OR10J1: variants seen among roughly 807,000 people sequenced by gnomAD.
OR10J1 encodes olfactory receptor 10J1.
For synonymous variants in OR10J1, 202 were observed against 143.8 expected, an observed-to-expected ratio of 1.40 and a Z score of -2.89; for missense variants, 474 against 376.6, an observed-to-expected ratio of 1.26 and a Z score of -2.14.
chr1:159,412,323 A>G, the OR10J1 span, among the ~76,000 whole-genome samples: 13 of 144,864 alleles, frequency 9.0e-5, no homozygotes, highest in Admixed American at 4.0e-4. Context: ...TCTTCACAGA[A>G]TTGGAAAAAA....
At chr1:159,415,178 T>C in the OR10J1 span, among the ~76,000 whole-genome samples, 2 of 152,278 alleles carry the variant, frequency 1.3e-5, no homozygotes, top group Non-Finnish European at 2.9e-5. Flanking sequence ...CCCTACGTTT[T>C]CTTCTAGTTA....
In OR10J1 at chr1:159,440,421, G is replaced by C. The variant is rs765573239; in HGVS notation, c.630G>C (p.Met210Ile). The change falls in exon 1 of 1, where the codon ATG becomes ATC. Residue 210 changes from methionine (M) to isoleucine (I), a missense_variant. Transcript: ENST00000423932. ...IISVLVLVVP[M>I]GLVFISYVLI... The stretch of plus-strand genomic sequence containing the variant: ...GTGTGCTGGTGCTTGTTGTACCTAT[G>C]GGTCTGGTTTTCATTTCTTATGTTC... The C allele has an allele frequency of 6.2e-7, 1 of 1,614,098 alleles. No individual in the cohort carries two copies. Among genetic ancestry groups the C allele is most frequent in the East Asian group, 2.2e-5 (1 of 44,870 alleles).
the OR10J1 span, among the ~76,000 whole-genome samples, chr1:159,413,051 G>A: frequency 6.6e-6 from 1 of 152,094 alleles, no homozygotes; most frequent in Admixed American, 6.6e-5. Context: ...ACTTCTCAAA[G>A]GAAGACATTT....
upstream of OR10J1, among the ~76,000 whole-genome samples, chr1:159,438,911 G>A (rs1481995140): frequency 6.6e-6 from 1 of 152,102 alleles, no homozygotes; most frequent in African/African-American, 2.4e-5. Context: ...TTTGCTTTAG[G>A]TGAGGGACAC....
the OR10J1 span, among the ~76,000 whole-genome samples, chr1:159,399,222 A>C: frequency 6.6e-6 from 1 of 152,136 alleles, no homozygotes; most frequent in African/African-American, 2.4e-5. Flanking sequence ...AGGTAAAATG[A>C]AGACTTTTCC....
chr1:159,428,936 C>T, the OR10J1 span, among the ~76,000 whole-genome samples: 1 of 152,174 alleles, frequency 6.6e-6, no homozygotes, highest in Non-Finnish European at 1.5e-5. Flanking sequence ...ACAAACTGGG[C>T]ACCAGAACTA....
chr1:159,410,742 T>A, the OR10J1 span, among the ~76,000 whole-genome samples: 1 of 150,986 alleles, frequency 6.6e-6, no homozygotes, highest in Non-Finnish European at 1.5e-5. Context: ...TTCTGCTAGC[T>A]TTTGAATGTG....
At position 159,439,877 on chromosome 1, in the gene OR10J1, G is replaced by T. The variant is rs370931108; in HGVS notation, c.86G>T (p.Gly29Val). The change falls in exon 1 of 1, where the codon GGC (glycine) becomes GTC (valine). Residue 29 changes from glycine (G) to valine (V), a missense_variant. Physicochemically the swap from Gly to Val is moderately radical, Grantham distance 109. Transcript: ENST00000423932. ...CATGAGCAGCAGATCACCCTTTTTG[G>T]CGTGTTCCTTGCACTATACATCTTA... Reference protein sequence around the residue: ...SFHEQQITLFGVFLALYILTL... With the variant: ...SFHEQQITLFVVFLALYILTL... 1 of 1,613,892 alleles carries T rather than the reference G, an allele frequency of 6.2e-7. No individual in the cohort carries two copies. The highest frequency in any genetic ancestry group is 8.5e-7 in the Non-Finnish European group (1 of 1,179,990).
the OR10J1 span, among the ~76,000 whole-genome samples, chr1:159,413,608 A>G: frequency 6.7e-6 from 1 of 150,256 alleles, no homozygotes; most frequent in African/African-American, 2.4e-5. Context: ...CAAACACCAA[A>G]TGTTCTCACT....
the OR10J1 span, among the ~76,000 whole-genome samples, chr1:159,421,298 A>AT: frequency 2.0e-5 from 3 of 151,498 alleles, no homozygotes; most frequent in Admixed American, 6.6e-5. Context: ...TCACATCCTG[A>AT]TTTTTTTCTG....
the OR10J1 span, chr1:159,406,468 T>C: frequency 7.4e-6 from 2 of 271,036 alleles, no homozygotes; most frequent in Non-Finnish European, 1.5e-5. Flanking sequence ...CATCAGTTTT[T>C]TGGATTCCTT....
Position 159,440,883 on chromosome 1 carries a change from G to A in OR10J1, c.*162G>A, listed in dbSNP as rs1343890693. 3 of 682,882 alleles carry A rather than the reference G, an allele frequency of 4.4e-6. No homozygotes were observed. The highest frequency in any genetic ancestry group is 4.9e-5 in the South Asian group (2 of 40,886). 42.3% of individuals were successfully genotyped at this position (682,882 alleles called of 1,614,324 possible). On this transcript the variant is annotated 3_prime_UTR_variant, in exon 1 of 1. Coordinates refer to ENST00000423932, the MANE Select transcript of OR10J1 (RefSeq NM_012351.3). ...CTGGGAGTCTGAAGCTTTAAATAAA[G>A]TTACTGGATGGAGTGTTATCCCTAT...
the OR10J1 span, among the ~76,000 whole-genome samples, chr1:159,421,402 T>C: frequency 3.0e-4 from 46 of 152,220 alleles, no homozygotes; most frequent in African/African-American, 1.1e-3. Flanking sequence ...GGCAAATTTC[T>C]TTTTGATTTG....
chr1:159,413,024 A>G, the OR10J1 span, among the ~76,000 whole-genome samples: 1 of 152,156 alleles, frequency 6.6e-6, no homozygotes, highest in Non-Finnish European at 1.5e-5. Context: ...AAAAGTGGGC[A>G]AAGGACGTGA....
chr1:159,439,989 G>T lies in OR10J1; in HGVS notation c.198G>T (p.Leu66=). 1 of 1,614,092 alleles carries T rather than the reference G, an allele frequency of 6.2e-7. No homozygotes were observed. The highest frequency in any genetic ancestry group is 8.5e-7 in the Non-Finnish European group (1 of 1,180,030). Residue 66 remains leucine (L), a synonymous_variant, in exon 1 of 1, where the codon CTG becomes CTT. Transcript: ENST00000423932. ...HTPMYFFLSM[L]STSETVYTLV... ...CCATGTACTTCTTCCTGAGCATGCTGTCCACTTCAGAGACTGTATATACAT... is the reference window on the plus strand; with the variant it reads ...CCATGTACTTCTTCCTGAGCATGCTTTCCACTTCAGAGACTGTATATACAT...
chr1:159,400,582 TTAAATA>T, the OR10J1 span, among the ~76,000 whole-genome samples: 3 of 149,872 alleles, frequency 2.0e-5, no homozygotes, highest in Non-Finnish European at 3.0e-5. Flanking sequence ...TACATAAAAT[TTAAATA>T]TAAAGTACCC....
the OR10J1 span, among the ~76,000 whole-genome samples, chr1:159,412,683 A>G: frequency 6.6e-6 from 1 of 151,990 alleles, no homozygotes; most frequent in South Asian, 2.1e-4. Flanking sequence ...CACAAAAATT[A>G]ATTCAAGATG....
the OR10J1 span, among the ~76,000 whole-genome samples, chr1:159,412,632 A>G: frequency 1.3e-5 from 2 of 151,560 alleles, no homozygotes; most frequent in Non-Finnish European, 2.9e-5. Flanking sequence ...CTGGCTAGCC[A>G]TATGTAGAAA....
At chr1:159,415,047 C>A in the OR10J1 span, among the ~76,000 whole-genome samples, 1 of 151,882 alleles carries the variant, frequency 6.6e-6, no homozygotes, top group Admixed American at 6.6e-5. Flanking sequence ...TGATTGTTTC[C>A]TTTGCTGTGA....
Sources: gnomAD v4.1 joint callset for allele counts (sites outside exome capture counted in the v4.1 genomes callset) on GRCh38, gnomAD v4.1.1 for gene constraint, MANE v1.5 for transcripts, NCBI Gene and HGNC (gene_info 2026-07-23, HGNC 2026-07-21) for gene names.